ZRANB3: variants seen among roughly 807,000 people sequenced by gnomAD.
ZRANB3 encodes the protein zinc finger RANBP2-type containing 3, also known as DNA annealing helicase and endonuclease ZRANB3.
In ZRANB3, 125 loss-of-function variants were observed where a neutral mutation model predicts 133.8. That is an observed-to-expected ratio of 0.93 (90% CI 0.81 to 1.08). ZRANB3 has a LOEUF of 1.08. Ranked by LOEUF, ZRANB3 falls within the 50% of genes least tolerant of loss-of-function variation. The probability of loss-of-function intolerance (pLI) is 0.00; values close to 1 mark genes in which losing one functional copy is unlikely to be tolerated. For missense variants in ZRANB3, 1,229 were observed against 1,275.5 expected (o/e 0.96, Z 0.56); for synonymous variants, 387 against 432.7 (o/e 0.89, Z 1.31).
At chr2:135,303,126 A>G (rs1050740898) in intron 8 of ZRANB3, among the ~76,000 whole-genome samples, 15 of 152,212 alleles carry the variant, frequency 9.9e-5, no homozygotes, top group African/African-American at 3.1e-4. Flanking sequence ...CAAGGAGAGT[A>G]TATTGAAAAT....
chr2:135,264,036 C>T (rs1680099487), intron 12 of ZRANB3, among the ~76,000 whole-genome samples: 1 of 151,346 alleles, frequency 6.6e-6, no homozygotes, highest in African/African-American at 2.4e-5. Flanking sequence ...GATCCACCCA[C>T]CTCAGCTTCC....
intron 8 of ZRANB3, among the ~76,000 whole-genome samples, chr2:135,304,840 T>A (rs1211627227): frequency 6.6e-6 from 1 of 152,204 alleles, no homozygotes; most frequent in Admixed American, 6.5e-5. Flanking sequence ...TCTCTTATTA[T>A]CTTTTTAATG....
intron 12 of ZRANB3, among the ~76,000 whole-genome samples, chr2:135,260,374 C>G (rs1002708983): frequency 3.9e-5 from 6 of 152,026 alleles, no homozygotes; most frequent in Non-Finnish European, 8.8e-5. Context: ...CTGGGCTGTG[C>G]AAAAGTATCT....
chr2:135,455,028 C>T (rs1187494803), intron 2 of ZRANB3, among the ~76,000 whole-genome samples: 1 of 152,018 alleles, frequency 6.6e-6, no homozygotes, highest in Non-Finnish European at 1.5e-5. Context: ...CCAGAAACCA[C>T]AGAACAATTA....
intron 8 of ZRANB3, among the ~76,000 whole-genome samples, chr2:135,285,293 G>C (rs1681301076): frequency 6.6e-6 from 1 of 152,076 alleles, no homozygotes; most frequent in Admixed American, 6.5e-5. Flanking sequence ...TCTCCATATA[G>C]TTAATATACT....
At chr2:135,405,985 G>A (rs1688002553) in intron 2 of ZRANB3, among the ~76,000 whole-genome samples, 1 of 152,046 alleles carries the variant, frequency 6.6e-6, no homozygotes, top group South Asian at 2.1e-4. Flanking sequence ...TAGAACTGAA[G>A]GACATAGACA....
intron 2 of ZRANB3, among the ~76,000 whole-genome samples, chr2:135,476,474 T>A (rs1691501811): frequency 6.6e-6 from 1 of 152,152 alleles, no homozygotes; most frequent in South Asian, 2.1e-4. Flanking sequence ...ATTATTAAAG[T>A]TGGGTGATAA....
Position 135,315,413 on chromosome 2 carries a change from T to A in ZRANB3, c.795A>T (p.Leu265=), listed in dbSNP as rs771820466. ...RRLKTEVLTQ[L]PPKVRQRIPF... ...GAATACGCTGTCTGACTTTAGGGGG[T>A]AGCTGGGTTAAAACTTCAGTCTTTA... is the stretch of plus-strand genomic sequence containing the variant. The change falls in exon 7 of 21, where the codon CTA becomes CTT. Residue 265 remains leucine (L), a synonymous_variant. Coordinates refer to ENST00000264159, the MANE Select transcript of ZRANB3 (RefSeq NM_032143.4). 6.2e-7 allele frequency: 1 copy of A among 1,605,858 alleles called. No individual in the cohort carries two copies. Among genetic ancestry groups the A allele is most frequent in the Non-Finnish European group, 8.5e-7 (1 of 1,176,918 alleles).
intron 1 of ZRANB3, among the ~76,000 whole-genome samples, chr2:135,529,761 C>T (rs563240231): frequency 1.3e-5 from 2 of 151,588 alleles, no homozygotes; most frequent in East Asian, 2.0e-4. Flanking sequence ...GTAATCCTCC[C>T]GCCTCGGCCT....
chr2:135,414,002 C>A (rs1688436451), intron 2 of ZRANB3, among the ~76,000 whole-genome samples: 1 of 151,774 alleles, frequency 6.6e-6, no homozygotes, highest in Admixed American at 6.6e-5. Context: ...CAAAATCATG[C>A]CAAAATGTAA....
At chr2:135,352,343 A>T (rs1685245152) in intron 4 of ZRANB3, among the ~76,000 whole-genome samples, 1 of 151,916 alleles carries the variant, frequency 6.6e-6, no homozygotes, top group South Asian at 2.1e-4. Flanking sequence ...AAAAAAAAAA[A>T]AAATTAATTA....
intron 1 of ZRANB3, among the ~76,000 whole-genome samples, chr2:135,507,599 GAAGTT>G (rs1271836899): frequency 2.0e-5 from 3 of 151,360 alleles, no homozygotes; most frequent in South Asian, 2.1e-4. Flanking sequence ...ACACTGGCAA[GAAGTT>G]AAGTAAAAAA....
chr2:135,480,169 C>T (rs1007956130), intron 2 of ZRANB3, among the ~76,000 whole-genome samples: 11 of 151,434 alleles, frequency 7.3e-5, no homozygotes, highest in African/African-American at 2.7e-4. Context: ...GTCTCGATCT[C>T]CTGACCCTGT....
At chr2:135,523,931 G>C (rs1196056445) in intron 1 of ZRANB3, among the ~76,000 whole-genome samples, 1 of 152,218 alleles carries the variant, frequency 6.6e-6, no homozygotes, top group African/African-American at 2.4e-5. Context: ...GTGAAGTACA[G>C]TGGGATAAAC....
intron 6 of ZRANB3, among the ~76,000 whole-genome samples, chr2:135,319,967 G>A (rs1419214547): frequency 6.6e-6 from 1 of 152,198 alleles, no homozygotes; most frequent in African/African-American, 2.4e-5. Context: ...AGGGACATAT[G>A]ATCCTGTGAA....
At chr2:135,506,457 A>G (rs994562796) in intron 1 of ZRANB3, among the ~76,000 whole-genome samples, 6 of 152,202 alleles carry the variant, frequency 3.9e-5, no homozygotes, top group African/African-American at 1.4e-4. Context: ...AGATGAAGCT[A>G]CCGAGATAAA....
chr2:135,220,958 G>C (rs1694529058), intron 15 of ZRANB3, among the ~76,000 whole-genome samples: 2 of 150,252 alleles, frequency 1.3e-5, no homozygotes, highest in Admixed American at 1.3e-4. Context: ...CCGGGTTCAA[G>C]CGATTCTCCT....
At chr2:135,223,165 C>T (rs1342540693) in intron 15 of ZRANB3, among the ~76,000 whole-genome samples, 2 of 151,394 alleles carry the variant, frequency 1.3e-5, no homozygotes, top group South Asian at 4.2e-4. Flanking sequence ...GCAGGAGAAT[C>T]GTTTGAACCC....
chr2:135,397,419 G>A (rs1687541363), intron 2 of ZRANB3, among the ~76,000 whole-genome samples: 1 of 149,482 alleles, frequency 6.7e-6, no homozygotes, highest in Non-Finnish European at 1.5e-5. Context: ...CTGCACTTCA[G>A]CCTGGGCAAG....
Sources: gnomAD v4.1 joint callset for allele counts (sites outside exome capture counted in the v4.1 genomes callset) on GRCh38, gnomAD v4.1.1 for gene constraint, MANE v1.5 for transcripts, NCBI Gene and HGNC (gene_info 2026-07-23, HGNC 2026-07-21) for gene names.